Variants in EYS observed in about 807,000 individuals in gnomAD.
EYS encodes the protein protein eyes shut homolog.
A neutral mutation model predicts 282.1 loss-of-function variants in EYS; 250 were observed. The observed-to-expected ratio is 0.89, with a 90% confidence interval of 0.80 to 0.98. EYS has a LOEUF of 0.98. Among genes scored for constraint, EYS ranks in the 50% least tolerant of loss-of-function variants. The pLI, the probability that EYS is intolerant of heterozygous loss-of-function variation, is 0.00. For missense variants in EYS, 4,016 were observed against 3,709.0 expected (o/e 1.08, Z -2.15); for synonymous variants, 1,355 against 1,282.9 (o/e 1.06, Z -1.20).
chr6:65,477,524 TTA>T (rs770850430), intron 5 of EYS, among the ~76,000 whole-genome samples: 4 of 152,158 alleles, frequency 2.6e-5, no homozygotes, highest in Non-Finnish European at 5.9e-5. Context: ...ATTATCACAA[TTA>T]TATAAGCAGT....
Position 64,675,428 on chromosome 6 carries a change from C to CTTTTT in EYS, c.3444-49188_3444-49184dup, listed in dbSNP as rs56346431. Among the ~76,000 whole-genome samples the CTTTTT allele has an allele frequency of 9.0e-3, 1,027 of 114,606 alleles. 30 individuals are homozygous for CTTTTT. The highest frequency in any genetic ancestry group is 0.084 in the East Asian group (325 of 3,850). The allele number at this position is 114,606 out of a possible 152,430, so 75.2% of individuals were successfully genotyped here. The stretch of plus-strand genomic sequence containing the variant: ...GTTTTTCCTGTTTCTCTTTTTTTTT[C>CTTTTT]TTTTTTTTTTTTTTTTTGAGATGGA... On this transcript the variant is annotated intron_variant, in intron 22 of 42. Coordinates refer to ENST00000503581, the MANE Select transcript of EYS (RefSeq NM_001142800.2).
chr6:64,953,276 A>G (rs149124740), intron 14 of EYS, among the ~76,000 whole-genome samples: 74 of 151,890 alleles, frequency 4.9e-4, no homozygotes, highest in African/African-American at 1.7e-3. Context: ...GTAGATATAT[A>G]CTGAAAAAAA....
chr6:64,535,950 A>G (rs1367139250), intron 26 of EYS, among the ~76,000 whole-genome samples: 1 of 152,068 alleles, frequency 6.6e-6, no homozygotes. Flanking sequence ...TTATTATATT[A>G]ATCATTTTAC....
intron 24 of EYS, among the ~76,000 whole-genome samples, chr6:64,605,672 T>C (rs1171197584): frequency 6.6e-6 from 1 of 151,860 alleles, no homozygotes; most frequent in Non-Finnish European, 1.5e-5. Flanking sequence ...AACTGATATC[T>C]GATACAGAAC....
At chr6:64,972,601 T>A (rs892867272) in intron 14 of EYS, among the ~76,000 whole-genome samples, 21 of 152,134 alleles carry the variant, frequency 1.4e-4, no homozygotes, top group Non-Finnish European at 2.5e-4. Context: ...ATATATTTTC[T>A]CTTCCTTATG....
chr6:64,848,843 CA>C (rs61099751), intron 19 of EYS, among the ~76,000 whole-genome samples: 23,214 of 152,024 alleles, frequency 0.15, 1,998 homozygotes, highest in East Asian at 0.43. Context: ...GATGAAAACT[CA>C]ACAGACTGTG....
rs181739591 is a variant in EYS, at chr6:64,018,537, T to C, written c.6726-19354A>G. On this transcript the variant is annotated intron_variant, in intron 33 of 42. Coordinates refer to ENST00000503581, the MANE Select transcript of EYS (RefSeq NM_001142800.2). ...CAAAAAATTTTTTGTGGTGTCTCAA[T>C]TGAAATTTGATTTTGGTAACATTTT... Among the ~76,000 whole-genome samples the C allele has an allele frequency of 3.0e-4, 45 of 152,292 alleles. 1 individual carries two copies. The highest frequency in any genetic ancestry group is 9.9e-4 in the African/African-American group (41 of 41,574).
At chr6:64,012,489 A>G (rs991132246) in intron 33 of EYS, among the ~76,000 whole-genome samples, 1 of 152,176 alleles carries the variant, frequency 6.6e-6, no homozygotes, top group Non-Finnish European at 1.5e-5. Context: ...CCCTACAAAG[A>G]CTAACTTAAG....
intron 39 of EYS, among the ~76,000 whole-genome samples, chr6:63,783,285 G>A (rs1770283277): frequency 6.6e-6 from 1 of 152,114 alleles, no homozygotes; most frequent in African/African-American, 2.4e-5. Flanking sequence ...GTTAGGGTTG[G>A]CATCCAGGTG....
chr6:64,324,029 G>C (rs1445204443), intron 29 of EYS, among the ~76,000 whole-genome samples: 1 of 152,124 alleles, frequency 6.6e-6, no homozygotes. Context: ...ATAACAGCCT[G>C]AACCCATCAC....
intron 13 of EYS, among the ~76,000 whole-genome samples, chr6:65,026,031 CTG>C (rs1298646696): frequency 4.6e-5 from 7 of 152,148 alleles, no homozygotes; most frequent in East Asian, 1.9e-4. Flanking sequence ...TTATTCAATT[CTG>C]TGTCAGTGTC....
intron 30 of EYS, among the ~76,000 whole-genome samples, chr6:64,245,004 T>A (rs1766965273): frequency 1.7e-5 from 2 of 116,894 alleles, no homozygotes; most frequent in Admixed American, 1.2e-4. Context: ...CAGGCCCGGG[T>A]GTGTGATGTT....
chr6:65,094,507 T>C (rs1022193212), intron 12 of EYS, among the ~76,000 whole-genome samples: 3 of 151,068 alleles, frequency 2.0e-5, no homozygotes, highest in Admixed American at 6.6e-5. Flanking sequence ...TTTAAGAAGA[T>C]TGAAGTCTTA....
chr6:63,754,227 T>C (rs1201199885), intron 41 of EYS, among the ~76,000 whole-genome samples: 3 of 152,176 alleles, frequency 2.0e-5, no homozygotes, highest in Non-Finnish European at 1.5e-5. Flanking sequence ...AGTTCTAGGG[T>C]ACATGTGCAC....
At chr6:65,648,597 G>A (rs1213988398) in intron 1 of EYS, among the ~76,000 whole-genome samples, 1 of 151,706 alleles carries the variant, frequency 6.6e-6, no homozygotes, top group East Asian at 1.9e-4. Flanking sequence ...GTACACATTG[G>A]GTACATTGTA....
At chr6:64,288,686 TAAAG>T (rs1346695402) in intron 30 of EYS, among the ~76,000 whole-genome samples, 1 of 152,090 alleles carries the variant, frequency 6.6e-6, no homozygotes, top group Non-Finnish European at 1.5e-5. Flanking sequence ...CATTTTTAAA[TAAAG>T]TAAGTAGTAG....
intron 5 of EYS, among the ~76,000 whole-genome samples, chr6:65,421,297 C>G (rs1184335281): frequency 1.3e-5 from 2 of 151,654 alleles, no homozygotes; most frequent in African/African-American, 2.4e-5. Flanking sequence ...ATGGAAGTAG[C>G]TTTTTTCCAT....
chr6:65,487,873 A>G (rs1765871816), intron 5 of EYS, among the ~76,000 whole-genome samples: 1 of 152,082 alleles, frequency 6.6e-6, no homozygotes, highest in Non-Finnish European at 1.5e-5. Flanking sequence ...GTCTATTCAG[A>G]GATTCAAATT....
At chr6:65,705,363 C>A (rs1162892067) in intron 1 of EYS, among the ~76,000 whole-genome samples, 1 of 152,182 alleles carries the variant, frequency 6.6e-6, no homozygotes, top group Non-Finnish European at 1.5e-5. Context: ...CACCCTTCCC[C>A]AGAAATGTTT....
Sources: allele counts gnomAD v4.1 joint callset (sites outside exome capture counted in the v4.1 genomes callset), GRCh38; gene constraint gnomAD v4.1.1; transcripts MANE v1.5; gene names NCBI Gene and HGNC (gene_info 2026-07-23, HGNC 2026-07-21).